The following FGGY variants were observed in gnomAD, a reference collection of about 807,000 sequenced individuals.
The protein encoded by FGGY is FGGY carbohydrate kinase domain containing, also known as FGGY carbohydrate kinase domain-containing protein.
In FGGY, 72 loss-of-function variants were observed where a neutral mutation model predicts 71.3. The observed-to-expected ratio is 1.01, with a 90% CI of 0.84 to 1.23. The LOEUF (loss-of-function observed/expected upper bound fraction) is 1.23. Ranked by LOEUF, FGGY falls within the 50% of genes most tolerant of loss-of-function variation. The pLI is 0.00. For missense variants in FGGY, 668 were observed against 682.3 expected, an observed-to-expected ratio of 0.98 and a Z score of 0.23; for synonymous variants, 251 against 250.3, an observed-to-expected ratio of 1.00 and a Z score of -0.02.
intron 8 of FGGY, among the ~76,000 whole-genome samples, chr1:59,600,982 C>CTTTTTTT (rs377505663): frequency 3.9e-5 from 5 of 127,040 alleles, no homozygotes; most frequent in African/African-American, 6.0e-5. Context: ...ATTCTCTATG[C>CTTTTTTT]TTTTTTTTTT....
chr1:59,690,991 G>T (rs146721518), intron 14 of FGGY, among the ~76,000 whole-genome samples: 41 of 152,316 alleles, frequency 2.7e-4, no homozygotes, highest in African/African-American at 9.9e-4. Context: ...GGAACAAGAG[G>T]TCTACCTCTT....
chr1:59,412,079 T>G (rs369603309), intron 5 of FGGY, among the ~76,000 whole-genome samples: 78 of 152,322 alleles, frequency 5.1e-4, no homozygotes, highest in African/African-American at 1.7e-3. Flanking sequence ...TCAGATCTTC[T>G]CAGGAGGACA....
intron 6 of FGGY, among the ~76,000 whole-genome samples, chr1:59,476,365 A>T (rs116787152): frequency 1.3e-5 from 2 of 152,214 alleles, no homozygotes; most frequent in African/African-American, 4.8e-5. Context: ...CATTTTACTG[A>T]TGAGGAAATT....
At chr1:59,542,445 C>CATTTTTTTTTT (rs2095456086) in intron 7 of FGGY, among the ~76,000 whole-genome samples, 1 of 34,246 alleles carries the variant, frequency 2.9e-5, no homozygotes. Flanking sequence ...ATGTTCTTTA[C>CATTTTTTTTTT]TTTTTTTTTT....
chr1:59,753,051 A>C (rs680114), intron 14 of FGGY, among the ~76,000 whole-genome samples: 143,531 of 152,250 alleles, frequency 0.94, 67,730 homozygotes, highest in East Asian at 1. Context: ...TCACTGTATT[A>C]ATTGTGCTGT....
intron 8 of FGGY, among the ~76,000 whole-genome samples, chr1:59,596,208 A>G (rs1175759492): frequency 6.6e-6 from 1 of 151,976 alleles, no homozygotes; most frequent in Non-Finnish European, 1.5e-5. Context: ...TTTTTTTTTA[A>G]CATGAGGCTC....
At position 59,484,783 on chromosome 1, in the gene FGGY, TA is replaced by T. The variant is rs749776330; in HGVS notation, c.671-27524del. ...TATTTCTTTGTAAGTCAGAGACTTATAAAAGATAGGTTATCCATCACTAAGG... is the reference window on the plus strand; with the variant it reads ...TATTTCTTTGTAAGTCAGAGACTTATAAAGATAGGTTATCCATCACTAAGG... On this transcript the variant is annotated intron_variant, in intron 6 of 15. Transcript: ENST00000303721. 1.2e-3 allele frequency among the ~76,000 whole-genome samples: 189 copies of T among 152,318 alleles called. 1 individual carries two copies. The highest frequency in any genetic ancestry group is 3.4e-3 in the Middle Eastern group (1 of 294).
intron 1 of FGGY, among the ~76,000 whole-genome samples, chr1:59,313,146 T>C (rs1308192102): frequency 1.3e-5 from 2 of 152,124 alleles, no homozygotes; most frequent in Non-Finnish European, 1.5e-5. Flanking sequence ...CCTCACATGG[T>C]AGAAGGGGCA....
intron 6 of FGGY, among the ~76,000 whole-genome samples, chr1:59,488,176 T>C (rs2093711661): frequency 6.6e-6 from 1 of 152,196 alleles, no homozygotes; most frequent in African/African-American, 2.4e-5. Context: ...GCTGTAATGA[T>C]ATTTTTAAGC....
At chr1:59,548,943 C>T (rs942330104) in intron 7 of FGGY, among the ~76,000 whole-genome samples, 1 of 152,120 alleles carries the variant, frequency 6.6e-6, no homozygotes, top group Non-Finnish European at 1.5e-5. Flanking sequence ...AGATAAGAAA[C>T]ATAAAGAAGA....
chr1:59,644,794 G>A (rs930241851), intron 11 of FGGY, among the ~76,000 whole-genome samples: 1 of 152,046 alleles, frequency 6.6e-6, no homozygotes, highest in African/African-American at 2.4e-5. Flanking sequence ...TGGCCAACAT[G>A]GTGAAACCCC....
chr1:59,656,827 A>G (rs897168247), intron 11 of FGGY, among the ~76,000 whole-genome samples: 11 of 152,126 alleles, frequency 7.2e-5, no homozygotes, highest in Admixed American at 3.9e-4. Flanking sequence ...AAAAAAAGCT[A>G]TTTCACCCTC....
At chr1:59,703,245 A>C (rs2097725268) in intron 14 of FGGY, among the ~76,000 whole-genome samples, 1 of 152,142 alleles carries the variant, frequency 6.6e-6, no homozygotes. Context: ...CAAGGGATAC[A>C]GGGGTAAATA....
chr1:59,483,495 T>G (rs564232523), intron 6 of FGGY, among the ~76,000 whole-genome samples: 1 of 152,300 alleles, frequency 6.6e-6, no homozygotes, highest in African/African-American at 2.4e-5. Flanking sequence ...GGATTTGTGA[T>G]TATGACTTCA....
chr1:59,617,571 C>G (rs964488282), intron 9 of FGGY, among the ~76,000 whole-genome samples: 1 of 152,040 alleles, frequency 6.6e-6, no homozygotes, highest in Non-Finnish European at 1.5e-5. Flanking sequence ...TGCCGATATT[C>G]TCTTCTGAAT....
At chr1:59,522,159 A>G (rs950360680) in intron 7 of FGGY, among the ~76,000 whole-genome samples, 1 of 152,244 alleles carries the variant, frequency 6.6e-6, no homozygotes, top group Non-Finnish European at 1.5e-5. Context: ...TTAACATACA[A>G]GGATGAAGGT....
intron 7 of FGGY, among the ~76,000 whole-genome samples, chr1:59,549,871 A>C (rs2095581911): frequency 6.6e-6 from 1 of 152,226 alleles, no homozygotes; most frequent in South Asian, 2.1e-4. Context: ...AGCATATTAA[A>C]TAAGAGAGCT....
chr1:59,486,424 T>C (rs2093660296), intron 6 of FGGY, among the ~76,000 whole-genome samples: 2 of 152,148 alleles, frequency 1.3e-5, no homozygotes, highest in South Asian at 4.1e-4. Context: ...ATCTAAAGGA[T>C]TCAGGGACAC....
intron 7 of FGGY, among the ~76,000 whole-genome samples, chr1:59,547,626 T>G (rs571966958): frequency 6.6e-5 from 10 of 152,300 alleles, no homozygotes; most frequent in African/African-American, 2.2e-4. Flanking sequence ...GAATCAAATA[T>G]GATAATATTT....
Sources: gnomAD v4.1 joint callset for allele counts (sites outside exome capture counted in the v4.1 genomes callset) on GRCh38, gnomAD v4.1.1 for gene constraint, MANE v1.5 for transcripts, NCBI Gene and HGNC (gene_info 2026-07-23, HGNC 2026-07-21) for gene names.